Variants in TENM3 observed in about 807,000 individuals in gnomAD.
The protein encoded by TENM3 is teneurin transmembrane protein 3, also known as teneurin-3.
In TENM3, 63 loss-of-function variants were observed where a neutral mutation model predicts 255.1. The observed-to-expected ratio is 0.25, with a 90% CI of 0.20 to 0.30. The LOEUF (loss-of-function observed/expected upper bound fraction) is 0.30, where lower values mean the gene tolerates loss of function less well. Ranked by LOEUF, TENM3 falls within the 10% of genes least tolerant of loss-of-function variation. The probability of loss-of-function intolerance (pLI) is 1.00; values close to 1 mark genes in which losing one functional copy is unlikely to be tolerated. For synonymous variants in TENM3, 1,306 were observed against 1,322.3 expected, an observed-to-expected ratio of 0.99 and a Z score of 0.27; for missense variants, 2,929 against 3,461.1, an observed-to-expected ratio of 0.85 and a Z score of 3.86.
At chr4:181,625,760 G>A in the TENM3 span, among the ~76,000 whole-genome samples, 1 of 151,946 alleles carries the variant, frequency 6.6e-6, no homozygotes, top group African/African-American at 2.4e-5. Context: ...CTTGCAGTGA[G>A]CCGAGATGGT....
At chr4:181,491,010 C>T in the TENM3 span, among the ~76,000 whole-genome samples, 1 of 151,874 alleles carries the variant, frequency 6.6e-6, no homozygotes, top group Non-Finnish European at 1.5e-5. Flanking sequence ...AAATTAAAAT[C>T]ATTTTGTAAT....
chr4:181,527,047 G>A, the TENM3 span, among the ~76,000 whole-genome samples: 1 of 151,850 alleles, frequency 6.6e-6, no homozygotes, highest in African/African-American at 2.4e-5. Context: ...CCACCCTGCT[G>A]AAGCTCACTC....
chr4:181,652,706 C>T, the TENM3 span, among the ~76,000 whole-genome samples: 1 of 152,122 alleles, frequency 6.6e-6, no homozygotes, highest in Admixed American at 6.5e-5. Flanking sequence ...ACTTAAAGTA[C>T]AAAAGCAAAC....
intron 22 of TENM3, among the ~76,000 whole-genome samples, chr4:182,760,751 C>G (rs891718947): frequency 3.9e-5 from 6 of 152,112 alleles, no homozygotes; most frequent in Non-Finnish European, 7.4e-5. Flanking sequence ...TCAGAATGAG[C>G]TTCTGAACCA....
chr4:182,315,765 G>T (rs1219923953), intron 1 of TENM3, among the ~76,000 whole-genome samples: 1 of 151,926 alleles, frequency 6.6e-6, no homozygotes, highest in East Asian at 1.9e-4. Flanking sequence ...TCTCTCTGAT[G>T]ATTTATTTAT....
chr4:182,094,312 C>T, the TENM3 span, among the ~76,000 whole-genome samples: 1 of 151,760 alleles, frequency 6.6e-6, no homozygotes, highest in Non-Finnish European at 1.5e-5. Flanking sequence ...GTGGTGCCAT[C>T]TCAGCTCACT....
chr4:182,640,658 T>G (rs1752224551), intron 5 of TENM3, among the ~76,000 whole-genome samples: 1 of 152,260 alleles, frequency 6.6e-6, no homozygotes, highest in Admixed American at 6.5e-5. Context: ...CCATTTATTT[T>G]TAGGAAAGGA....
chr4:181,893,432 T>C, the TENM3 span, among the ~76,000 whole-genome samples: 6 of 151,100 alleles, frequency 4.0e-5, no homozygotes, highest in Admixed American at 2.0e-4. Context: ...ATTATAGTCA[T>C]CTAAGACACA....
the TENM3 span, among the ~76,000 whole-genome samples, chr4:181,595,586 A>G: frequency 0.34 from 51,403 of 151,840 alleles, 9,966 homozygotes; most frequent in Non-Finnish European, 0.42. Context: ...AGGCATAATG[A>G]ACCAAAAATG....
At chr4:182,044,672 A>G in the TENM3 span, among the ~76,000 whole-genome samples, 2 of 151,918 alleles carry the variant, frequency 1.3e-5, no homozygotes, top group African/African-American at 4.9e-5. Flanking sequence ...AAATCCCCAG[A>G]TTAGCCAAGG....
At chr4:181,911,309 G>A in the TENM3 span, among the ~76,000 whole-genome samples, 2 of 152,154 alleles carry the variant, frequency 1.3e-5, no homozygotes, top group Non-Finnish European at 2.9e-5. Context: ...TTAAGGTGGT[G>A]GTTGACAAAC....
the TENM3 span, among the ~76,000 whole-genome samples, chr4:181,523,419 TAAAA>T: frequency 2.1e-5 from 3 of 144,480 alleles, no homozygotes; most frequent in Admixed American, 6.9e-5. Flanking sequence ...ATTTTAAAAT[TAAAA>T]AAAAAAAAAA....
chr4:182,599,979 T>C (rs775053609), intron 3 of TENM3, among the ~76,000 whole-genome samples: 1 of 152,202 alleles, frequency 6.6e-6, no homozygotes, highest in Non-Finnish European at 1.5e-5. Context: ...AAAGTAGGTC[T>C]CAGATGTTAC....
chr4:181,932,530 A>T, the TENM3 span, among the ~76,000 whole-genome samples: 54 of 152,340 alleles, frequency 3.5e-4, no homozygotes, highest in African/African-American at 1.3e-3. Flanking sequence ...GCTAGAGAGG[A>T]TGTGGAAAAA....
chr4:182,013,475 ACTGAACACTTGTC>A, the TENM3 span, among the ~76,000 whole-genome samples: 1 of 152,204 alleles, frequency 6.6e-6, no homozygotes, highest in Non-Finnish European at 1.5e-5. Context: ...CTTTAGAACC[ACTGAACACTTGTC>A]CTGATTCCAA....
the TENM3 span, among the ~76,000 whole-genome samples, chr4:181,908,548 T>A: frequency 6.6e-6 from 1 of 152,230 alleles, no homozygotes; most frequent in Non-Finnish European, 1.5e-5. Context: ...TTAAGCACTC[T>A]AATATAAGGA....
chr4:182,162,410 A>T (rs1751412570), intron 1 of TENM3, among the ~76,000 whole-genome samples: 2 of 151,904 alleles, frequency 1.3e-5, no homozygotes, highest in African/African-American at 4.9e-5. Flanking sequence ...TAATAATTAG[A>T]CAAACTAACA....
chr4:182,344,841 C>G (rs1294590319), intron 2 of TENM3, among the ~76,000 whole-genome samples: 1 of 152,164 alleles, frequency 6.6e-6, no homozygotes, highest in Admixed American at 6.5e-5. Context: ...GTAAGCTCTT[C>G]CACAGCAATT....
At chr4:181,523,540 T>A in the TENM3 span, among the ~76,000 whole-genome samples, 1 of 152,078 alleles carries the variant, frequency 6.6e-6, no homozygotes. Context: ...GTCAAGGCTA[T>A]CTCAGTGGCA....
Sources: gnomAD v4.1 joint callset for allele counts (sites outside exome capture counted in the v4.1 genomes callset) on GRCh38, gnomAD v4.1.1 for gene constraint, MANE v1.5 for transcripts, NCBI Gene and HGNC (gene_info 2026-07-23, HGNC 2026-07-21) for gene names.